The following CDH12 variants were observed in gnomAD, a reference collection of about 807,000 sequenced individuals.
CDH12 encodes cadherin-12.
A neutral mutation model predicts 74.1 loss-of-function variants in CDH12; 41 were observed. The ratio of observed to expected loss-of-function variants is 0.55; its 90% confidence interval spans 0.43 to 0.72. The LOEUF (loss-of-function observed/expected upper bound fraction) is 0.72, where lower values mean the gene tolerates loss of function less well. CDH12 is among the 30% of genes least tolerant of loss of function. The probability of loss-of-function intolerance (pLI) is 0.00; values close to 1 mark genes in which losing one functional copy is unlikely to be tolerated. For missense variants in CDH12, 945 were observed against 977.2 expected (o/e 0.97, Z 0.44); for synonymous variants, 399 against 355.0 (o/e 1.12, Z -1.39).
At chr5:22,800,239 A>T (rs1191028596) in intron 1 of CDH12, among the ~76,000 whole-genome samples, 2 of 152,214 alleles carry the variant, frequency 1.3e-5, no homozygotes, top group Non-Finnish European at 2.9e-5. Flanking sequence ...TTACAGCAGC[A>T]TGAGGAACAA....
rs187194333 is a variant in CDH12, at chr5:22,512,834, G to A, written c.-522-7470C>T. On this transcript the variant is annotated intron_variant, in intron 1 of 14. Transcript: ENST00000382254. ...TCCCAACACTTTGGGAGGCCTAGTC[G>A]GGTGGATCATCTGAGTTCGGAGTTC... Among the ~76,000 whole-genome samples the A allele has an allele frequency of 3.2e-4, 49 of 152,166 alleles. 1 individual carries two copies. The South Asian group carries it at 9.5e-3, about 30-fold the overall frequency.
At chr5:21,833,125 TTATATTATAAA>T (rs1239562469) in intron 8 of CDH12, among the ~76,000 whole-genome samples, 2 of 69,420 alleles carry the variant, frequency 2.9e-5, no homozygotes, top group African/African-American at 1.3e-4. Context: ...ATAATATATA[TTATATTATAAA>T]TATATATTAT....
intron 6 of CDH12, among the ~76,000 whole-genome samples, chr5:21,897,035 AT>A (rs1172901879): frequency 2.0e-5 from 3 of 152,234 alleles, no homozygotes; most frequent in Non-Finnish European, 4.4e-5. Context: ...TGAGAAAAAA[AT>A]ATTGAGTTCA....
chr5:22,549,779 T>C (rs1738487514), intron 1 of CDH12, among the ~76,000 whole-genome samples: 1 of 152,234 alleles, frequency 6.6e-6, no homozygotes, highest in Non-Finnish European at 1.5e-5. Context: ...ATACCAAGTA[T>C]TGATCGACAA....
chr5:22,823,261 A>T (rs577533734), intron 1 of CDH12, among the ~76,000 whole-genome samples: 4 of 151,372 alleles, frequency 2.6e-5, no homozygotes, highest in Non-Finnish European at 4.4e-5. Context: ...GAGGGATAGC[A>T]TTAGGAGTTA....
intron 3 of CDH12, among the ~76,000 whole-genome samples, chr5:22,225,802 C>T (rs542003287): frequency 6.6e-6 from 1 of 152,154 alleles, no homozygotes; most frequent in South Asian, 2.1e-4. Context: ...GGCACCTATA[C>T]ACTCACTTGA....
At chr5:22,554,702 T>C (rs1272414185) in intron 1 of CDH12, among the ~76,000 whole-genome samples, 2 of 152,086 alleles carry the variant, frequency 1.3e-5, no homozygotes, top group African/African-American at 4.8e-5. Flanking sequence ...AACTATGTAA[T>C]GATATCTGCT....
At chr5:22,630,577 T>C (rs1738533663) in intron 1 of CDH12, among the ~76,000 whole-genome samples, 1 of 152,058 alleles carries the variant, frequency 6.6e-6, no homozygotes, top group Non-Finnish European at 1.5e-5. Context: ...ACTGGGATAA[T>C]TGGCTAGCTA....
intron 4 of CDH12, among the ~76,000 whole-genome samples, chr5:22,177,804 TG>T (rs1355134659): frequency 6.6e-6 from 1 of 152,186 alleles, no homozygotes; most frequent in Admixed American, 6.5e-5. Context: ...AAAAATCCTC[TG>T]GACATTTCTC....
intron 1 of CDH12, among the ~76,000 whole-genome samples, chr5:22,656,813 A>C (rs1051898627): frequency 6.6e-6 from 1 of 152,150 alleles, no homozygotes; most frequent in Non-Finnish European, 1.5e-5. Flanking sequence ...GAATAAATAC[A>C]TTTTTATCTT....
chr5:22,282,644 TC>T (rs1736940233), intron 3 of CDH12, among the ~76,000 whole-genome samples: 1 of 152,072 alleles, frequency 6.6e-6, no homozygotes, highest in African/African-American at 2.4e-5. Context: ...GAAAAAAAGC[TC>T]ATCATCACTG....
At chr5:22,445,050 A>T (rs1161075717) in intron 2 of CDH12, among the ~76,000 whole-genome samples, 3 of 152,074 alleles carry the variant, frequency 2.0e-5, no homozygotes, top group African/African-American at 7.2e-5. Flanking sequence ...AAATAAATGG[A>T]TTAACAATTT....
chr5:22,470,156 C>CCTGA (rs1745897805), intron 2 of CDH12, among the ~76,000 whole-genome samples: 1 of 151,880 alleles, frequency 6.6e-6, no homozygotes, highest in Non-Finnish European at 1.5e-5. Context: ...AGCATGCAGC[C>CCTGA]CTGACATGGT....
intron 3 of CDH12, among the ~76,000 whole-genome samples, chr5:22,215,691 G>T (rs7703278): frequency 0.12 from 17,931 of 152,092 alleles, 1,282 homozygotes; most frequent in African/African-American, 0.19. Context: ...TACTAACCTA[G>T]TTCTCCAAGT....
intron 4 of CDH12, among the ~76,000 whole-genome samples, chr5:22,136,669 T>C (rs1397274790): frequency 1.3e-5 from 2 of 150,992 alleles, no homozygotes; most frequent in Admixed American, 6.6e-5. Flanking sequence ...TTATTCATAT[T>C]AATAGAAGCA....
intron 1 of CDH12, among the ~76,000 whole-genome samples, chr5:22,729,574 C>G (rs1174682400): frequency 6.6e-6 from 1 of 151,848 alleles, no homozygotes; most frequent in Non-Finnish European, 1.5e-5. Context: ...GACTGTACTT[C>G]TACCACATTC....
At position 21,777,058 on chromosome 5, in the gene CDH12, A is replaced by G. The variant is rs1303780; in HGVS notation, c.1393+6300T>C. Among the ~76,000 whole-genome samples the G allele has an allele frequency of 4.5e-3, 685 of 152,330 alleles. 7 individuals are homozygous for G. The highest frequency in any genetic ancestry group is 0.014 in the Middle Eastern group (4 of 292). On this transcript the variant is annotated intron_variant, in intron 11 of 14. Transcript: ENST00000382254. Reference sequence around the variant, plus strand: ...TGTAATTATATCAACTAAGTGTGCTATTATGTTGATCAAATTGTCACTCTG... The same window carrying G: ...TGTAATTATATCAACTAAGTGTGCTGTTATGTTGATCAAATTGTCACTCTG...
chr5:21,847,507 C>T lies in CDH12; in HGVS notation c.647-5179G>A, dbSNP rs150945954. Among the ~76,000 whole-genome samples the T allele has an allele frequency of 3.6e-4, 55 of 152,150 alleles. No homozygotes were observed. In the East Asian group the frequency reaches 0.01, roughly 29 times the overall value. ...GCTGTTCATCCAGACAATGGCAGCACTCCCTGGCTCCTGACCTCCTTCTTC... is the reference window on the plus strand; with the variant it reads ...GCTGTTCATCCAGACAATGGCAGCATTCCCTGGCTCCTGACCTCCTTCTTC... On this transcript the variant is annotated intron_variant, in intron 7 of 14. Transcript: ENST00000382254.
intron 1 of CDH12, among the ~76,000 whole-genome samples, chr5:22,709,113 A>C (rs1052261581): frequency 4.6e-5 from 7 of 152,212 alleles, no homozygotes; most frequent in Non-Finnish European, 1.0e-4. Flanking sequence ...AGACAGTTGC[A>C]GTCTCCCGCA....
Sources: allele counts gnomAD v4.1 joint callset (sites outside exome capture counted in the v4.1 genomes callset), GRCh38; gene constraint gnomAD v4.1.1; transcripts MANE v1.5; gene names NCBI Gene and HGNC (gene_info 2026-07-23, HGNC 2026-07-21).